The following SMOX variants were observed in gnomAD, a reference collection of about 807,000 sequenced individuals.
SMOX encodes spermine oxidase.
Under a neutral mutation model 51.0 loss-of-function variants are expected in SMOX, and 22 were observed. That is an observed-to-expected ratio of 0.43 (90% CI 0.31 to 0.62). The LOEUF (loss-of-function observed/expected upper bound fraction) is 0.62, where lower values mean the gene tolerates loss of function less well. Among genes scored for constraint, SMOX ranks in the 20% least tolerant of loss-of-function variants. SMOX has a pLI of 0.10. For synonymous variants in SMOX, 282 were observed against 307.8 expected (o/e 0.92, Z 0.88); for missense variants, 566 against 777.7 (o/e 0.73, Z 3.24).
chr20:4,178,477 C>T (rs1224232269), intron 3 of SMOX, among the ~76,000 whole-genome samples: 2 of 152,120 alleles, frequency 1.3e-5, no homozygotes, highest in African/African-American at 4.8e-5. Context: ...GGCAATGGCA[C>T]ACATCCTTGT....
intron 1 of SMOX, among the ~76,000 whole-genome samples, chr20:4,174,239 A>AAG (rs1054330155): frequency 1.1e-4 from 17 of 150,906 alleles, no homozygotes; most frequent in Non-Finnish European, 1.8e-4. Context: ...GGGCAAGGGA[A>AAG]AGAGAGAGAG....
At position 4,187,306 on chromosome 20, in the gene SMOX, C is replaced by T. The variant is rs749058005; in HGVS notation, c.1567C>T (p.Arg523Cys). Reference protein sequence around the residue: ...QVLFSGEATHRKYYSTTHGAL... With the variant: ...QVLFSGEATHCKYYSTTHGAL... ...GCTGTTTTCCGGTGAGGCCACCCAC[C>T]GCAAGTACTATTCCACCACCCACGG... Residue 523 changes from arginine (R) to cysteine (C), a missense_variant, in exon 7 of 7, where the codon CGC becomes TGC. By Grantham distance (180) the Arg-to-Cys change is radical. Around this residue, in one of 3 missense-constraint regions of SMOX, gnomAD observed 347 missense variants for 481.8 expected, o/e 0.72. Coordinates refer to ENST00000305958, the MANE Select transcript of SMOX (RefSeq NM_175839.3). The surrounding 1 kb of genome is among the most constrained non-coding windows in gnomAD (Gnocchi z 4.8). 6 of 1,614,216 alleles carry T rather than the reference C, an allele frequency of 3.7e-6. No individual in the cohort carries two copies. Among genetic ancestry groups the T allele is most frequent in the Admixed American group, 1.7e-5 (1 of 60,030 alleles).
intron 1 of SMOX, among the ~76,000 whole-genome samples, chr20:4,150,045 C>T (rs934316737): frequency 6.6e-6 from 1 of 152,208 alleles, no homozygotes; most frequent in African/African-American, 2.4e-5. Flanking sequence ...AAGGTCCTCT[C>T]CCTGTCCCCC....
intron 1 of SMOX, among the ~76,000 whole-genome samples, chr20:4,163,521 C>T (rs923571383): frequency 2.6e-5 from 4 of 152,194 alleles, no homozygotes; most frequent in Non-Finnish European, 4.4e-5. Flanking sequence ...TGTTGGCTAA[C>T]CAATGACTCC....
chr20:4,174,135 C>G (rs1283053547), intron 1 of SMOX, among the ~76,000 whole-genome samples: 1 of 152,202 alleles, frequency 6.6e-6, no homozygotes, highest in Non-Finnish European at 1.5e-5. Flanking sequence ...CCTCGTGGCA[C>G]TTTCTTGGGG....
intron 1 of SMOX, among the ~76,000 whole-genome samples, chr20:4,169,169 AT>A (rs959202035): frequency 2.0e-5 from 3 of 151,634 alleles, no homozygotes; most frequent in African/African-American, 7.3e-5. Context: ...TATGTTTGCA[AT>A]TTTTAATTTT....
chr20:4,152,465 A>G (rs1275432370), intron 1 of SMOX, among the ~76,000 whole-genome samples: 2 of 151,990 alleles, frequency 1.3e-5, no homozygotes, highest in African/African-American at 2.4e-5. Flanking sequence ...GAAGGCTGAG[A>G]GCCAGGGGAC....
In SMOX at chr20:4,170,395, G is replaced by A. The variant is rs1462103792; in HGVS notation, c.-26-4635G>A. On this transcript the variant is annotated intron_variant, in intron 1 of 6. Coordinates refer to ENST00000305958, the MANE Select transcript of SMOX (RefSeq NM_175839.3). The surrounding 1 kb of genome is among the most constrained non-coding windows in gnomAD (Gnocchi z 4.6). ...CAGGCGGGGCTTGGCAGGGTCAGACGTTGGAGACCAGGACTAACGCGTGTC... is the reference window on the plus strand; with the variant it reads ...CAGGCGGGGCTTGGCAGGGTCAGACATTGGAGACCAGGACTAACGCGTGTC... 2.0e-5 allele frequency among the ~76,000 whole-genome samples: 3 copies of A among 152,128 alleles called. No homozygotes were observed. Among genetic ancestry groups the A allele is most frequent in the African/African-American group, 4.8e-5 (2 of 41,418 alleles).
intron 1 of SMOX, among the ~76,000 whole-genome samples, chr20:4,160,943 C>T (rs1293035016): frequency 1.3e-5 from 2 of 152,150 alleles, no homozygotes; most frequent in Non-Finnish European, 2.9e-5. Flanking sequence ...CACCCCCTCC[C>T]CGGGGCTGGA....
At position 4,157,975 on chromosome 20, in the gene SMOX, AC is replaced by A. The variant is rs1986100422; in HGVS notation, c.-27+8999del. ...GAGTGCAGCGGCGCGATCTCGGCTC[AC>A]TGCAACCTCCGCCTCCCGGGTTCAC... On this transcript the variant is annotated intron_variant, in intron 1 of 6. Transcript: ENST00000305958. 2.0e-5 allele frequency among the ~76,000 whole-genome samples: 3 copies of A among 151,990 alleles called. No homozygotes were observed. The South Asian group carries it at 6.3e-4, about 32-fold the overall frequency.
rs566321063 is a variant in SMOX at position 4,181,574 on chromosome 20, C to T, written c.436-229C>T. Among the ~76,000 whole-genome samples the T allele has an allele frequency of 2.4e-4, 36 of 152,342 alleles. No individual in the cohort carries two copies. Among genetic ancestry groups the T allele is most frequent in the African/African-American group, 8.2e-4 (34 of 41,582 alleles). On this transcript the variant is annotated intron_variant, in intron 3 of 6. Coordinates refer to ENST00000305958, the MANE Select transcript of SMOX (RefSeq NM_175839.3). The surrounding 1 kb of genome is among the most constrained non-coding windows in gnomAD (Gnocchi z 5.6). The stretch of plus-strand genomic sequence containing the variant: ...CTAAGTGAGGGCCCAGCAAGAAAAC[C>T]TCCGGGGCTTATCCCACCTCCCCGA...
Position 4,168,587 on chromosome 20 carries a change from C to T in SMOX, c.-26-6443C>T, listed in dbSNP as rs1399062808. Among the ~76,000 whole-genome samples, 7 of 149,900 alleles carry T rather than the reference C, an allele frequency of 4.7e-5. No individual in the cohort carries two copies. In the East Asian group the frequency reaches 6.0e-4, roughly 13 times the overall value. ...TTTTTTTTTTTTTGAGACGGAGTCTCGCTCTGTCACCCAGGCTGGAGTGCA... is the reference window on the plus strand; with the variant it reads ...TTTTTTTTTTTTTGAGACGGAGTCTTGCTCTGTCACCCAGGCTGGAGTGCA... On this transcript the variant is annotated intron_variant, in intron 1 of 6. Coordinates refer to ENST00000305958, the MANE Select transcript of SMOX (RefSeq NM_175839.3).
In SMOX at chr20:4,181,770, G is replaced by A. The variant is rs199920343; in HGVS notation, c.436-33G>A. On this transcript the variant is annotated intron_variant, in intron 3 of 6. Transcript: ENST00000305958. The surrounding 1 kb of genome is among the most constrained non-coding windows in gnomAD (Gnocchi z 5.6). ...TCTGTTTGAGATGGAGGTGTGATGA[G>A]GTGTTTTCAGTCTCATGGGGTCTCT... 1.3e-4 allele frequency: 209 copies of A among 1,605,218 alleles called. No homozygotes were observed. Among genetic ancestry groups the A allele is most frequent in the Non-Finnish European group, 1.8e-4 (207 of 1,175,238 alleles).
Position 4,181,887 on chromosome 20 carries a change from G to A in SMOX, c.520G>A (p.Glu174Lys). ...SQNSVGVFTR[E>K]EVRNRIRNDP... Reference sequence around the variant, plus strand: ...AAATAGCGTGGGGGTGTTCACCCGAGAGGAGGTGCGTAACCGCATCAGGAA... The same window carrying A: ...AAATAGCGTGGGGGTGTTCACCCGAAAGGAGGTGCGTAACCGCATCAGGAA... The change falls in exon 4 of 7, where the codon GAG (glutamate) becomes AAG (lysine). Residue 174 changes from glutamate to lysine, a missense_variant. By Grantham distance (56) the Glu-to-Lys change is moderately conservative. Coordinates refer to ENST00000305958, the MANE Select transcript of SMOX (RefSeq NM_175839.3). The surrounding 1 kb of genome is among the most constrained non-coding windows in gnomAD (Gnocchi z 5.6). 6.2e-7 allele frequency: 1 copy of A among 1,614,192 alleles called. No homozygotes were observed. The highest frequency in any genetic ancestry group is 8.5e-7 in the Non-Finnish European group (1 of 1,180,034).
intron 1 of SMOX, among the ~76,000 whole-genome samples, chr20:4,164,313 C>A (rs1303205782): frequency 6.6e-6 from 1 of 152,182 alleles, no homozygotes; most frequent in Non-Finnish European, 1.5e-5. Context: ...AGTGTGCAGA[C>A]TGGGGCCTGT....
At chr20:4,174,093 C>A (rs917040194) in intron 1 of SMOX, among the ~76,000 whole-genome samples, 23 of 152,222 alleles carry the variant, frequency 1.5e-4, no homozygotes, top group African/African-American at 5.5e-4. Context: ...GGAAAACAAC[C>A]TACCCGGAAT....
At chr20:4,150,283 C>CT (rs1985670346) in intron 1 of SMOX, among the ~76,000 whole-genome samples, 1 of 152,192 alleles carries the variant, frequency 6.6e-6, no homozygotes, top group Admixed American at 6.5e-5. Context: ...CTCTTCCGTT[C>CT]TTTTGCTGGC....
chr20:4,177,277 A>C lies in SMOX; in HGVS notation c.209-74A>C. 7.7e-7 allele frequency: 1 copy of C among 1,291,344 alleles called. No individual in the cohort carries two copies. Among genetic ancestry groups the C allele is most frequent in the Middle Eastern group, 1.9e-4 (1 of 5,370 alleles). 80.0% of individuals were successfully genotyped at this position (1,291,344 alleles called of 1,614,324 possible). A position where few individuals can be genotyped will look rare whatever the true frequency, so the allele number is the denominator to read the frequency against. On this transcript the variant is annotated intron_variant, in intron 2 of 6. Transcript: ENST00000305958. The surrounding 1 kb of genome is among the most constrained non-coding windows in gnomAD (Gnocchi z 4.3). ...AGGGTGGAAAGACCCTCTTGGAGGAAGGAGGGGGAAGCAGTGCTGGCCCTC... is the reference window on the plus strand; with the variant it reads ...AGGGTGGAAAGACCCTCTTGGAGGACGGAGGGGGAAGCAGTGCTGGCCCTC...
At chr20:4,155,796 C>A (rs1765004) in intron 1 of SMOX, among the ~76,000 whole-genome samples, 9 of 151,846 alleles carry the variant, frequency 5.9e-5, no homozygotes, top group Admixed American at 2.0e-4. Flanking sequence ...TTGCTGGAAG[C>A]GGGGTAGCAG....
Sources: allele counts gnomAD v4.1 joint callset (sites outside exome capture counted in the v4.1 genomes callset), GRCh38; gene constraint gnomAD v4.1.1; regional missense constraint gnomAD v4.1.1; non-coding constraint Gnocchi (gnomAD v3.1); transcripts MANE v1.5; gene names NCBI Gene and HGNC (gene_info 2026-07-23, HGNC 2026-07-21).